NTM: variants seen among roughly 807,000 people sequenced by gnomAD.
NTM encodes IgLON family member 2.
NTM carries 13 observed loss-of-function variants against 42.1 expected under a neutral mutation model. That is an observed-to-expected ratio of 0.31 (90% CI 0.20 to 0.49). NTM has a LOEUF of 0.49. NTM is among the 20% of genes least tolerant of loss of function. The pLI is 0.99. For synonymous variants in NTM, 187 were observed against 179.2 expected (o/e 1.04, Z -0.35); for missense variants, 373 against 452.8 (o/e 0.82, Z 1.60).
chr11:131,647,703 G>A lies in NTM; in HGVS notation c.83-263861G>A, dbSNP rs1029928558. On this transcript the variant is annotated intron_variant, in intron 1 of 8. Transcript: ENST00000683400. The stretch of plus-strand genomic sequence containing the variant: ...ATGATTTGTAAATGATGGAACTGGG[G>A]TATAAATTCATATGTGATTTTTATA... Among the ~76,000 whole-genome samples the A allele has an allele frequency of 2.6e-5, 4 of 152,142 alleles. No individual in the cohort carries two copies. The East Asian group carries it at 5.8e-4, about 22-fold the overall frequency.
At chr11:132,167,727 A>T (rs1008328657) in intron 3 of NTM, among the ~76,000 whole-genome samples, 1 of 152,208 alleles carries the variant, frequency 6.6e-6, no homozygotes, top group Non-Finnish European at 1.5e-5. Flanking sequence ...CATAGTTCCA[A>T]TGACAGGAAA....
chr11:131,790,137 G>T (rs1205640718), intron 1 of NTM, among the ~76,000 whole-genome samples: 1 of 151,976 alleles, frequency 6.6e-6, no homozygotes, highest in Non-Finnish European at 1.5e-5. Flanking sequence ...TATGAATATG[G>T]ACATAGAAGT....
At chr11:132,111,210 A>AT (rs2063151113) in intron 2 of NTM, among the ~76,000 whole-genome samples, 3 of 150,464 alleles carry the variant, frequency 2.0e-5, no homozygotes. Flanking sequence ...GGAAGTCCCC[A>AT]GAAATTTATG....
chr11:131,507,882 G>A lies in NTM; in HGVS notation c.82+136994G>A, dbSNP rs1196924112. 2.0e-5 allele frequency among the ~76,000 whole-genome samples: 3 copies of A among 151,990 alleles called. No homozygotes were observed. In the South Asian group the frequency reaches 6.3e-4, roughly 32 times the overall value. On this transcript the variant is annotated intron_variant, in intron 1 of 8. Coordinates refer to ENST00000683400, the MANE Select transcript of NTM (RefSeq NM_001352005.2). ...TTGTCTGTTGTTGGTGTATAAGAATGCTTGTGATTTTTGTACATTGATTTT... is the reference window on the plus strand; with the variant it reads ...TTGTCTGTTGTTGGTGTATAAGAATACTTGTGATTTTTGTACATTGATTTT...
chr11:131,866,290 T>TAAAAC (rs5795747), intron 1 of NTM, among the ~76,000 whole-genome samples: 113,309 of 151,756 alleles, frequency 0.75, 42,856 homozygotes, highest in East Asian at 0.97. Context: ...TGGGAATAAA[T>TAAAAC]AAAAAACAAA....
At chr11:131,447,108 T>C (rs1950118864) in intron 1 of NTM, among the ~76,000 whole-genome samples, 1 of 152,244 alleles carries the variant, frequency 6.6e-6, no homozygotes, top group African/African-American at 2.4e-5. Context: ...GCATGGGTCA[T>C]TGAGCTGTCT....
At chr11:131,795,001 A>G (rs1316650503) in intron 1 of NTM, 1 of 985,264 alleles carries the variant, frequency 1.0e-6, no homozygotes, top group Non-Finnish European at 1.2e-6. Flanking sequence ...AGGCTACAGA[A>G]GTACTCAGCC....
chr11:132,248,621 C>T (rs2139341012), intron 4 of NTM, among the ~76,000 whole-genome samples: 1 of 152,274 alleles, frequency 6.6e-6, no homozygotes, highest in South Asian at 2.1e-4. Context: ...CATCGGAAGC[C>T]AAGGTCTGGA....
chr11:131,710,652 T>A (rs908173854), intron 1 of NTM, among the ~76,000 whole-genome samples: 2 of 152,134 alleles, frequency 1.3e-5, no homozygotes, highest in African/African-American at 4.8e-5. Flanking sequence ...ACTGAGAAGT[T>A]GTAAAAAAAA....
Position 132,065,982 on chromosome 11 carries a change from A to G in NTM, c.168-80300A>G, listed in dbSNP as rs550675065. Among the ~76,000 whole-genome samples the G allele has an allele frequency of 8.5e-5, 13 of 152,208 alleles. No homozygotes were observed. In the East Asian group the frequency reaches 2.3e-3, roughly 27 times the overall value. ...CTTGGTAAGTCTTTATTTTTTTTCCAATGTAAATTGGGGTTGTGGGGAGTG... is the reference window on the plus strand; with the variant it reads ...CTTGGTAAGTCTTTATTTTTTTTCCGATGTAAATTGGGGTTGTGGGGAGTG... On this transcript the variant is annotated intron_variant, in intron 2 of 8. Coordinates refer to ENST00000683400, the MANE Select transcript of NTM (RefSeq NM_001352005.2).
At chr11:132,334,987 A>C in intron 8 of NTM, 59 bp from the exon 9 acceptor site, 1 of 1,587,362 alleles carries the variant, frequency 6.3e-7, no homozygotes, top group Non-Finnish European at 8.6e-7. Context: ...CCAGGCAACC[A>C]CCGGGCTTTC....
intron 2 of NTM, chr11:131,922,024 C>G (rs997815919): frequency 3.9e-5 from 6 of 152,616 alleles, no homozygotes; most frequent in Non-Finnish European, 5.9e-5. Flanking sequence ...ATTTTTACAT[C>G]TCCAGTCTCT....
intron 3 of NTM, among the ~76,000 whole-genome samples, chr11:132,190,457 G>C (rs990006843): frequency 6.6e-6 from 1 of 152,132 alleles, no homozygotes; most frequent in Non-Finnish European, 1.5e-5. Context: ...GATAGAAAGG[G>C]CCGGGTGTGG....
chr11:131,460,562 T>A (rs1307286962), intron 1 of NTM, among the ~76,000 whole-genome samples: 2 of 152,178 alleles, frequency 1.3e-5, no homozygotes, highest in African/African-American at 4.8e-5. Context: ...TTTTCTTTTT[T>A]TTCCTTCTGA....
chr11:131,690,994 C>T lies in NTM; in HGVS notation c.83-220570C>T, dbSNP rs563433522. Reference sequence around the variant, plus strand: ...GAGGGCCCTTGGAGCGGGTGGGGAGCAAGGGGCTTTGATCACTCAGCGGGG... The same window carrying T: ...GAGGGCCCTTGGAGCGGGTGGGGAGTAAGGGGCTTTGATCACTCAGCGGGG... On this transcript the variant is annotated intron_variant, in intron 1 of 8. Coordinates refer to ENST00000683400, the MANE Select transcript of NTM (RefSeq NM_001352005.2). Among the ~76,000 whole-genome samples the T allele has an allele frequency of 1.1e-4, 17 of 152,274 alleles. No homozygotes were observed. The South Asian group carries it at 1.7e-3, about 15-fold the overall frequency.
intron 2 of NTM, among the ~76,000 whole-genome samples, chr11:131,929,561 C>T (rs2058367142): frequency 6.6e-6 from 1 of 151,860 alleles, no homozygotes; most frequent in African/African-American, 2.4e-5. Context: ...GTGTTAGAGA[C>T]AGGACACAGC....
intron 3 of NTM, among the ~76,000 whole-genome samples, chr11:132,162,683 G>A (rs2074576259): frequency 6.6e-6 from 1 of 151,182 alleles, no homozygotes; most frequent in African/African-American, 2.4e-5. Flanking sequence ...GTGTGTGTTT[G>A]TGTAGGGAAT....
rs149180510 is a variant in NTM at position 132,063,228 on chromosome 11, G to A, written c.168-83054G>A. Reference sequence around the variant, plus strand: ...CTACTCTCCTTACCTAATTACCTCCGAAATGCTCCTCCTCCAAATACCCTT... The same window carrying A: ...CTACTCTCCTTACCTAATTACCTCCAAAATGCTCCTCCTCCAAATACCCTT... On this transcript the variant is annotated intron_variant, in intron 2 of 8. Transcript: ENST00000683400. Among the ~76,000 whole-genome samples the A allele has an allele frequency of 3.5e-3, 535 of 152,204 alleles. 5 individuals carry two copies. The highest frequency in any genetic ancestry group is 0.012 in the African/African-American group (504 of 41,536).
chr11:132,235,833 A>C (rs1320211975), intron 4 of NTM, among the ~76,000 whole-genome samples: 1 of 152,210 alleles, frequency 6.6e-6, no homozygotes, highest in Non-Finnish European at 1.5e-5. Flanking sequence ...CTATTTGAAC[A>C]ATGTGGTGTT....
Sources: gnomAD v4.1 joint callset for allele counts (sites outside exome capture counted in the v4.1 genomes callset) on GRCh38, gnomAD v4.1.1 for gene constraint, MANE v1.5 for transcripts, NCBI Gene and HGNC (gene_info 2026-07-23, HGNC 2026-07-21) for gene names.